Variants in DZANK1 observed in about 807,000 individuals in gnomAD.
The protein encoded by DZANK1 is double zinc ribbon and ankyrin repeat domains 1, also known as double zinc ribbon and ankyrin repeat-containing protein 1.
DZANK1 carries 91 observed loss-of-function variants against 94.5 expected under a neutral mutation model. The ratio of observed to expected loss-of-function variants is 0.96; its 90% CI spans 0.81 to 1.15. The LOEUF (loss-of-function observed/expected upper bound fraction) is 1.15. DZANK1 is among the 50% of genes most tolerant of loss of function. DZANK1 has a pLI of 0.00. For synonymous variants in DZANK1, 312 were observed against 325.3 expected (o/e 0.96, Z 0.44); for missense variants, 903 against 916.4 (o/e 0.99, Z 0.19).
intron 13 of DZANK1, among the ~76,000 whole-genome samples, chr20:18,412,381 C>T (rs1407164336): frequency 2.0e-5 from 3 of 152,120 alleles, no homozygotes; most frequent in Non-Finnish European, 4.4e-5. Context: ...GCCGTCACGA[C>T]AAAAGAAACC....
At chr20:18,443,279 T>C (rs2058767898) in intron 8 of DZANK1, 68 bp downstream of exon 8, 2 of 1,050,972 alleles carry the variant, frequency 1.9e-6, no homozygotes. Flanking sequence ...TACCAAGCAC[T>C]GTGTTACTGC....
Position 18,423,931 on chromosome 20 carries a change from T to TA in DZANK1, c.954+3135dup, listed in dbSNP as rs762110359. On this transcript the variant is annotated intron_variant, in intron 10 of 20. Transcript: ENST00000262547. ...AAAAGAGAATAAATAAAGAGCAAAA[T>TA]AAAAAAAATAGGATTCAAAAAAATA... Among the ~76,000 whole-genome samples, 657 of 150,296 alleles carry TA rather than the reference T, an allele frequency of 4.4e-3. 1 individual carries two copies. Among genetic ancestry groups the TA allele is most frequent in the Non-Finnish European group, 7.1e-3 (477 of 67,422 alleles).
chr20:18,392,411 G>A (rs1190803629), intron 17 of DZANK1, among the ~76,000 whole-genome samples: 1 of 152,220 alleles, frequency 6.6e-6, no homozygotes, highest in Non-Finnish European at 1.5e-5. Context: ...GAGGAATCAG[G>A]AGGCAAGCTG....
intron 18 of DZANK1, 124 bp from the exon 19 acceptor site, chr20:18,389,952 C>A: frequency 1.4e-6 from 2 of 1,410,106 alleles, no homozygotes; most frequent in Non-Finnish European, 1.9e-6. Context: ...GCTTTCAGAT[C>A]AAAGGAGAGG....
At chr20:18,452,675 T>G in exon 6 of DZANK1, 2 of 1,607,876 alleles carry the variant, frequency 1.2e-6, no homozygotes, top group Non-Finnish European at 1.7e-6. Flanking sequence ...GGATTTCCAA[T>G]GGACTCTCTG....
At chr20:18,452,530 G>A (rs1477391924) in intron 6 of DZANK1, 85 bp downstream of exon 6, 1 of 1,427,692 alleles carries the variant, frequency 7.0e-7, no homozygotes, top group East Asian at 2.5e-5. Flanking sequence ...CAAAAGTGGG[G>A]GAGGTGCAGT....
At chr20:18,393,888 C>T (rs2056167446) in intron 16 of DZANK1, 77 bp from the exon 17 acceptor site, 12 of 996,908 alleles carry the variant, frequency 1.2e-5, no homozygotes, top group East Asian at 4.8e-5. Flanking sequence ...CTTACTTCCA[C>T]GTCCCTCAAA....
At chr20:18,448,942 T>G in intron 7 of DZANK1, 42 bp downstream of exon 7, 1 of 1,500,806 alleles carries the variant, frequency 6.7e-7, no homozygotes, top group Non-Finnish European at 9.2e-7. Flanking sequence ...ATGATGTATC[T>G]TTGTAGGATT....
At chr20:18,460,299 T>A (rs2059431632) in exon 3 of DZANK1, 1 of 1,526,210 alleles carries the variant, frequency 6.6e-7, no homozygotes, top group Non-Finnish European at 8.9e-7. Context: ...TGTTGACATC[T>A]GGAGTGTCTG....
At chr20:18,421,263 T>TC (rs890232816) in intron 10 of DZANK1, 8 of 172,472 alleles carry the variant, frequency 4.6e-5, no homozygotes, top group Non-Finnish European at 2.6e-5. Context: ...TTCATCTACA[T>TC]CCCCCCCGTA....
At chr20:18,458,821 A>G (rs2059376442) in intron 3 of DZANK1, among the ~76,000 whole-genome samples, 1 of 152,084 alleles carries the variant, frequency 6.6e-6, no homozygotes, top group South Asian at 2.1e-4. Context: ...TCTACCCCCT[A>G]AGATCCAGGT....
chr20:18,444,898 C>G (rs1055549889), intron 7 of DZANK1, among the ~76,000 whole-genome samples: 1 of 152,048 alleles, frequency 6.6e-6, no homozygotes, highest in Non-Finnish European at 1.5e-5. Flanking sequence ...CCTCCCGGGT[C>G]CATGCCATTC....
intron 13 of DZANK1, among the ~76,000 whole-genome samples, chr20:18,399,787 G>A: frequency 6.6e-6 from 1 of 152,188 alleles, no homozygotes; most frequent in Admixed American, 6.5e-5. Context: ...GACCACCTGA[G>A]GCCAAGGAGC....
intron 8 of DZANK1, among the ~76,000 whole-genome samples, chr20:18,438,831 C>T (rs895115806): frequency 6.6e-6 from 1 of 152,196 alleles, no homozygotes; most frequent in Admixed American, 6.5e-5. Flanking sequence ...CCTTCTGTGT[C>T]TTCATATGGT....
chr20:18,441,415 C>T lies in DZANK1; in HGVS notation c.747+1932G>A, dbSNP rs1314825883. On this transcript the variant is annotated intron_variant, in intron 8 of 20. Coordinates refer to ENST00000262547, the Ensembl canonical transcript of DZANK1. The surrounding 1 kb of genome is among the most constrained non-coding windows in gnomAD (Gnocchi z 4.1). ...GAGTCCAATCAGGACATAGAAACCA[C>T]AACTAATTTGAACAGGAAAAGTTCA... is the stretch of plus-strand genomic sequence containing the variant. 6.6e-6 allele frequency among the ~76,000 whole-genome samples: 1 copy of T among 152,208 alleles called. No individual in the cohort carries two copies. The highest frequency in any genetic ancestry group is 1.5e-5 in the Non-Finnish European group (1 of 68,040).
Position 18,443,617 on chromosome 20 carries a change from T to C in DZANK1, c.630-153A>G, listed in dbSNP as rs572411604. ...GAACAAGTTCAAGACAGGAAATACT[T>C]ATCTAGGTCATTTGGTCATTTTATT... On this transcript the variant is annotated intron_variant, in intron 7 of 20. Coordinates refer to ENST00000262547, the Ensembl canonical transcript of DZANK1. Among the ~76,000 whole-genome samples the C allele has an allele frequency of 2.0e-5, 3 of 152,292 alleles. No homozygotes were observed. In the East Asian group the frequency reaches 5.8e-4, roughly 29 times the overall value.
intron 13 of DZANK1, among the ~76,000 whole-genome samples, chr20:18,400,493 C>T (rs1235472102): frequency 6.6e-6 from 1 of 152,178 alleles, no homozygotes; most frequent in Non-Finnish European, 1.5e-5. Flanking sequence ...CAGCCTTCTC[C>T]TGCTCTGAAG....
At chr20:18,453,459 A>G (rs113166993) in intron 5 of DZANK1, among the ~76,000 whole-genome samples, 2,221 of 152,084 alleles carry the variant, frequency 0.015, 34 homozygotes, top group African/African-American at 0.025. Context: ...CCCAAACCCT[A>G]CAACTCCAGC....
chr20:18,413,147 A>G (rs1237222947), intron 12 of DZANK1: 2 of 450,346 alleles, frequency 4.4e-6, no homozygotes, highest in Non-Finnish European at 8.0e-6. Flanking sequence ...GTAATCCAAT[A>G]GAGCATAGAC....
Sources: allele counts gnomAD v4.1 joint callset (sites outside exome capture counted in the v4.1 genomes callset), GRCh38; gene constraint gnomAD v4.1.1; non-coding constraint Gnocchi (gnomAD v3.1); transcripts MANE v1.5; gene names NCBI Gene and HGNC (gene_info 2026-07-23, HGNC 2026-07-21).